WDR46: variants seen among roughly 807,000 people sequenced by gnomAD.
The protein encoded by WDR46 is WD repeat domain 46.
A neutral mutation model predicts 74.7 loss-of-function variants in WDR46; 58 were observed. That is an observed-to-expected ratio of 0.78 (90% confidence interval 0.63 to 0.97). The LOEUF is 0.97. Ranked by LOEUF, WDR46 falls within the 50% of genes least tolerant of loss-of-function variation. The probability of loss-of-function intolerance (pLI) is 0.00; values close to 1 mark genes in which losing one functional copy is unlikely to be tolerated. For missense variants in WDR46, 702 were observed against 790.1 expected, an observed-to-expected ratio of 0.89 and a Z score of 1.34; for synonymous variants, 278 against 297.3, an observed-to-expected ratio of 0.93 and a Z score of 0.67.
chr6:33,287,777 T>C, intron 6 of WDR46, 59 bp from the exon 7 acceptor site: 2 of 1,592,466 alleles, frequency 1.3e-6, no homozygotes, highest in Non-Finnish European at 1.7e-6. Flanking sequence ...CTCAGACAAC[T>C]TGAGGTCTGC....
intron 5 of WDR46, 46 bp from the exon 6 acceptor site, chr6:33,288,072 C>T: frequency 1.2e-6 from 2 of 1,613,950 alleles, no homozygotes; most frequent in Non-Finnish European, 1.7e-6. Flanking sequence ...GCAGTAACGC[C>T]TTCTTCTAGC....
In WDR46 at chr6:33,288,263, AAGCTTCCC is replaced by A. The variant is rs753831432; in HGVS notation, c.474-36_474-29del. Reference sequence around the variant, plus strand: ...GAAAGCAAGGGTTAGGATGGCAGTAAAGCTTCCCAATATGAAGCAAGTATACCAACATA... The same window carrying A: ...GAAAGCAAGGGTTAGGATGGCAGTAAAATATGAAGCAAGTATACCAACATA... On this transcript the variant is annotated intron_variant, in intron 4 of 14. Transcript: ENST00000374617. 63 of 1,613,936 alleles carry A rather than the reference AAGCTTCCC, an allele frequency of 3.9e-5. 3 individuals are homozygous for A. In the Middle Eastern group the frequency reaches 1.2e-3, roughly 29 times the overall value.
At position 33,286,953 on chromosome 6, in the gene WDR46, A is replaced by G. The variant is rs1283150853; in HGVS notation, c.1016-59T>C. 10 of 1,597,154 alleles carry G rather than the reference A, an allele frequency of 6.3e-6. No individual in the cohort carries two copies. The African/African-American group carries it at 6.7e-5, about 11-fold the overall frequency. On this transcript the variant is annotated intron_variant, in intron 9 of 14. Transcript: ENST00000374617. The stretch of plus-strand genomic sequence containing the variant: ...ACACCTAAGCCTGAGGTTACTAAAC[A>G]TGGGAAAGATGGGAACTCAAGACCA...
rs1301050574 is a variant in WDR46, at chr6:33,279,547, T to C, written c.1684A>G (p.Thr562Ala). Residue 562 changes from threonine (T) to alanine (A), a missense_variant, in exon 14 of 15, where the codon ACG (threonine) becomes GCG (alanine). Physicochemically the swap from Thr to Ala is moderately conservative, Grantham distance 58. Coordinates refer to ENST00000374617, the MANE Select transcript of WDR46 (RefSeq NM_005452.6). The stretch of plus-strand genomic sequence containing the variant: ...CTCTTCCTCTTCACCAGGCTTGCCG[T>C]GGAGCTGCGGCCCTTCTGCTTTGGC... ...PKPKQKGRSS[T>A]ASLVKRKRKV... 2 of 1,614,138 alleles carry C rather than the reference T, an allele frequency of 1.2e-6. No homozygotes were observed. The highest frequency in any genetic ancestry group is 1.7e-6 in the Non-Finnish European group (2 of 1,180,046).
In WDR46 at chr6:33,279,145, C is replaced by T. The variant is rs72654496; in HGVS notation, c.*131G>A. 6.9e-5 allele frequency: 92 copies of T among 1,329,860 alleles called. No individual in the cohort carries two copies. The African/African-American group carries it at 1.2e-3, about 18-fold the overall frequency. 82.4% of individuals were successfully genotyped at this position (1,329,860 alleles called of 1,614,324 possible). A position where few individuals can be genotyped will look rare whatever the true frequency, so the allele number is the denominator to read the frequency against. ...CTTTCCTCTTTAATACCAACCCACC[C>T]CAGGAGACAGCTGTCCACCCCCAGT... On this transcript the variant is annotated 3_prime_UTR_variant, in exon 15 of 15. Coordinates refer to ENST00000374617, the MANE Select transcript of WDR46 (RefSeq NM_005452.6).
Position 33,289,237 on chromosome 6 carries a change from C to T in WDR46, c.-67G>A. ...AGCTGCCACACAGTCGGCTTGAAAA[C>T]TCCCGGAAGCCCTCTGTCCTTCATC... On this transcript the variant is annotated 5_prime_UTR_variant, in exon 1 of 15. Transcript: ENST00000374617. The T allele has an allele frequency of 6.4e-7, 1 of 1,563,864 alleles. No individual in the cohort carries two copies. Among genetic ancestry groups the T allele is most frequent in the South Asian group, 1.2e-5 (1 of 85,048 alleles).
At position 33,279,326 on chromosome 6, in the gene WDR46, C is replaced by A; in HGVS notation, c.1783G>T (p.Ala595Ser). The A allele has an allele frequency of 6.2e-7, 1 of 1,614,228 alleles. No homozygotes were observed. The highest frequency in any genetic ancestry group is 8.5e-7 in the Non-Finnish European group (1 of 1,180,052). ...GATGGCCGGGCCCCCGTGGGCTTGG[C>A]CTTCGCCTCCTTATGATGCTGCTGC... ...LQQQHHKEAK[A>S]KPTGARPSAL... Residue 595 changes from alanine (A) to serine (S), a missense_variant, in exon 15 of 15, where the codon GCC (alanine) becomes TCC (serine). Ala to Ser is a moderately conservative substitution (Grantham distance 99). Transcript: ENST00000374617.
intron 3 of WDR46, 35 bp downstream of exon 3, chr6:33,288,579 C>T: frequency 5.6e-6 from 9 of 1,611,398 alleles, no homozygotes; most frequent in Non-Finnish European, 7.6e-6. Context: ...CACTCCCTGC[C>T]TCCAGCACTT....
Position 33,279,571 on chromosome 6 carries a change from G to C in WDR46, c.1660C>G (p.Pro554Ala). ...PQAKAPFQPK[P>A]KQKGRSSTAS... ...GTGGAGCTGCGGCCCTTCTGCTTTG[G>C]CTTTGGCTGGAAGGGAGCCTTAGCC... Residue 554 changes from proline (P) to alanine (A), a missense_variant, in exon 14 of 15, where the codon CCA (proline) becomes GCA (alanine). Coordinates refer to ENST00000374617, the MANE Select transcript of WDR46 (RefSeq NM_005452.6). 1.9e-6 allele frequency: 3 copies of C among 1,614,162 alleles called. No homozygotes were observed. Among genetic ancestry groups the C allele is most frequent in the Non-Finnish European group, 1.7e-6 (2 of 1,180,038 alleles).
At chr6:33,287,551 C>T in intron 7 of WDR46, 46 bp from the exon 8 acceptor site, 1 of 1,613,656 alleles carries the variant, frequency 6.2e-7, no homozygotes, top group Non-Finnish European at 8.5e-7. Flanking sequence ...AGGTCACAGG[C>T]TATCATTCAA....
rs938627577 is a variant in WDR46, at chr6:33,280,338, A to T, written c.1524+90T>A. ...AGGGGGGAACCTGACCTTCTCCAGGAAGGAGGAACCTCACCCTCTCCAGGA... is the reference window on the plus strand; with the variant it reads ...AGGGGGGAACCTGACCTTCTCCAGGTAGGAGGAACCTCACCCTCTCCAGGA... On this transcript the variant is annotated intron_variant, in intron 12 of 14. Coordinates refer to ENST00000374617, the MANE Select transcript of WDR46 (RefSeq NM_005452.6). The T allele has an allele frequency of 7.9e-6, 11 of 1,385,884 alleles. 1 individual carries two copies. The highest frequency in any genetic ancestry group is 4.1e-5 in the Admixed American group (2 of 48,814). The allele number at this position is 1,385,884 out of a possible 1,614,324, so 85.8% of individuals were successfully genotyped here.
rs530843309 is a variant in WDR46, at chr6:33,280,365, G to A, written c.1524+63C>T. On this transcript the variant is annotated intron_variant, in intron 12 of 14. Transcript: ENST00000374617. ...GGAGGAACCTCACCCTCTCCAGGAC[G>A]GGGGAACCTGACCCTCTCCAGCAAT... 1.4e-4 allele frequency: 214 copies of A among 1,518,946 alleles called. 1 individual carries two copies. Among genetic ancestry groups the A allele is most frequent in the Middle Eastern group, 1.0e-3 (6 of 5,874 alleles). 94.1% of individuals were successfully genotyped at this position (1,518,946 alleles called of 1,614,324 possible). A position where few individuals can be genotyped will look rare whatever the true frequency, so the allele number is the denominator to read the frequency against.
intron 12 of WDR46, 147 bp from the exon 13 acceptor site, chr6:33,280,006 C>T (rs1382795147): frequency 2.8e-6 from 2 of 715,104 alleles, no homozygotes; most frequent in Non-Finnish European, 2.3e-6. Flanking sequence ...CAACCCCAAA[C>T]CACACCTTCC....
At chr6:33,282,745 G>A (rs528863925) in intron 10 of WDR46, among the ~76,000 whole-genome samples, 1 of 152,136 alleles carries the variant, frequency 6.6e-6, no homozygotes, top group Non-Finnish European at 1.5e-5. Flanking sequence ...TAGTGATTAA[G>A]CCCTAAGCAC....
At position 33,288,188 on chromosome 6, in the gene WDR46, G is replaced by C. The variant is rs1766865413; in HGVS notation, c.521C>G (p.Ala174Gly). The stretch of plus-strand genomic sequence containing the variant: ...AATGTCCACAGCCTCCACAATGTCA[G>C]CCTGGCATATCTTTGCTGTGTCTTC... ...DGEDTAKICQ[A>G]DIVEAVDIAS... is the part of the protein sequence containing the mutation. The change falls in exon 5 of 15, where the codon GCT becomes GGT. Residue 174 changes from alanine (A) to glycine (G), a missense_variant. Coordinates refer to ENST00000374617, the MANE Select transcript of WDR46 (RefSeq NM_005452.6). The C allele has an allele frequency of 6.2e-7, 1 of 1,614,078 alleles. No homozygotes were observed. Among genetic ancestry groups the C allele is most frequent in the Non-Finnish European group, 8.5e-7 (1 of 1,180,046 alleles).
intron 2 of WDR46, 34 bp from the exon 3 acceptor site, chr6:33,288,728 C>T (rs746154358): frequency 2.5e-6 from 4 of 1,613,282 alleles, no homozygotes; most frequent in Non-Finnish European, 3.4e-6. Flanking sequence ...AGCAGACAGC[C>T]TTGGATTGAC....
intron 12 of WDR46, among the ~76,000 whole-genome samples, 177 bp downstream of exon 12, chr6:33,280,251 A>C (rs758017206): frequency 6.9e-6 from 1 of 144,566 alleles, no homozygotes; most frequent in African/African-American, 2.7e-5. Context: ...AGGAAACCTT[A>C]CCTTCTCCAG....
rs1427820114 is a variant in WDR46, at chr6:33,280,683, G to A, written c.1420C>T (p.Leu474=). The change falls in exon 11 of 15, where the codon CTG becomes TTG. Residue 474 remains leucine (L), a synonymous_variant. Transcript: ENST00000374617. ...CCCCTGGCCCACTCACCAGGGACCA[G>A]CATGCTGGTGATGCCCCCAGTGTGC... The part of the protein sequence containing the change: ...VGHTGGITSM[L]VPGAGEPNFD... 3 of 1,583,178 alleles carry A rather than the reference G, an allele frequency of 1.9e-6. No individual in the cohort carries two copies. Among genetic ancestry groups the A allele is most frequent in the Non-Finnish European group, 1.7e-6 (2 of 1,161,524 alleles).
intron 6 of WDR46, 47 bp downstream of exon 6, chr6:33,287,918 T>C: frequency 6.2e-7 from 1 of 1,607,630 alleles, no homozygotes; most frequent in East Asian, 2.2e-5. Flanking sequence ...GCTGAAGTGG[T>C]TAAGGAAACA....
Sources: allele counts gnomAD v4.1 joint callset (sites outside exome capture counted in the v4.1 genomes callset), GRCh38; gene constraint gnomAD v4.1.1; transcripts MANE v1.5; gene names NCBI Gene and HGNC (gene_info 2026-07-23, HGNC 2026-07-21).